The following DNAJA3 variants were observed in gnomAD, a reference collection of about 807,000 sequenced individuals.
DNAJA3 encodes dnaJ homolog subfamily A member 3, mitochondrial.
A neutral mutation model predicts 54.9 loss-of-function variants in DNAJA3; 29 were observed. The ratio of observed to expected loss-of-function variants is 0.53; its 90% CI spans 0.39 to 0.72. DNAJA3 has a LOEUF of 0.72. Ranked by LOEUF, DNAJA3 falls within the 30% of genes least tolerant of loss-of-function variation. DNAJA3 has a pLI of 0.00. For synonymous variants in DNAJA3, 302 were observed against 251.4 expected, an observed-to-expected ratio of 1.20 and a Z score of -1.90; for missense variants, 708 against 639.4, an observed-to-expected ratio of 1.11 and a Z score of -1.16.
intron 1 of DNAJA3, chr16:4,430,791 C>A (rs2056688699): frequency 6.6e-6 from 1 of 151,776 alleles, no homozygotes; most frequent in Non-Finnish European, 1.5e-5. Context: ...TGCCTGTAAC[C>A]CCAGCACTTT....
chr16:4,437,790 A>G (rs1440689007), intron 3 of DNAJA3, among the ~76,000 whole-genome samples: 2 of 151,052 alleles, frequency 1.3e-5, no homozygotes, highest in Admixed American at 6.6e-5. Context: ...TCTCTACAAA[A>G]AAAAAAAAAA....
chr16:4,453,878 C>T (rs1190276267), intron 10 of DNAJA3, among the ~76,000 whole-genome samples: 1 of 152,162 alleles, frequency 6.6e-6, no homozygotes, highest in East Asian at 1.9e-4. Flanking sequence ...ATGCACTGTG[C>T]GTGGCCTAGG....
intron 3 of DNAJA3, among the ~76,000 whole-genome samples, chr16:4,438,258 A>G (rs1192782914): frequency 6.6e-6 from 1 of 151,934 alleles, no homozygotes; most frequent in Non-Finnish European, 1.5e-5. Flanking sequence ...CGGAGCTTGC[A>G]GTGAGCTGAG....
chr16:4,437,287 A>G, intron 2 of DNAJA3, 115 bp from the exon 3 acceptor site: 2 of 896,656 alleles, frequency 2.2e-6, no homozygotes, highest in South Asian at 3.1e-5. Context: ...CAACTTTTAT[A>G]AAGGGAACAT....
intron 3 of DNAJA3, chr16:4,440,745 A>AG (rs1412494987): frequency 1.3e-5 from 2 of 152,276 alleles, no homozygotes; most frequent in African/African-American, 2.4e-5. Flanking sequence ...TCGAAGTGGG[A>AG]GGATCGCTTG....
intron 4 of DNAJA3, 78 bp from the exon 5 acceptor site, chr16:4,442,190 C>T (rs2056843822): frequency 5.5e-6 from 8 of 1,455,072 alleles, no homozygotes; most frequent in Non-Finnish European, 6.5e-6. Flanking sequence ...GGCCAGTACC[C>T]TCCTTTCCCT....
chr16:4,443,153 C>T lies in DNAJA3; in HGVS notation c.920C>T (p.Pro307Leu). ...QAKQKKRVMI[P>L]VPAGVEDGQT... Reference sequence around the variant, plus strand: ...AAGCAGAAAAAGCGAGTGATGATCCCTGTGCCTGCAGGTGGGTGCTTGGGC... The same window carrying T: ...AAGCAGAAAAAGCGAGTGATGATCCTTGTGCCTGCAGGTGGGTGCTTGGGC... Residue 307 changes from proline to leucine, a missense_variant, in exon 6 of 12, where the codon CCT becomes CTT. Pro to Leu is a moderately conservative substitution (Grantham distance 98). Coordinates refer to ENST00000262375, the MANE Select transcript of DNAJA3 (RefSeq NM_005147.6). 1 of 1,613,934 alleles carries T rather than the reference C, an allele frequency of 6.2e-7. No homozygotes were observed. The highest frequency in any genetic ancestry group is 8.5e-7 in the Non-Finnish European group (1 of 1,179,976).
At chr16:4,453,230 T>C (rs2056997076) in intron 10 of DNAJA3, among the ~76,000 whole-genome samples, 1 of 152,012 alleles carries the variant, frequency 6.6e-6, no homozygotes, top group African/African-American at 2.4e-5. Context: ...AGCATAGTTT[T>C]TGATGCGTTT....
chr16:4,448,937 C>A (rs1026225644), intron 9 of DNAJA3, 89 bp downstream of exon 9: 6 of 922,122 alleles, frequency 6.5e-6, no homozygotes, highest in Non-Finnish European at 1.0e-5. Flanking sequence ...GTTACTGCTC[C>A]CTGTAAGTCA....
intron 1 of DNAJA3, among the ~76,000 whole-genome samples, chr16:4,430,021 A>C (rs2056676612): frequency 6.6e-6 from 1 of 151,596 alleles, no homozygotes; most frequent in Non-Finnish European, 1.5e-5. Flanking sequence ...TAAAGTCATC[A>C]ACTGAGAAGC....
chr16:4,453,541 A>G (rs1272770760), intron 10 of DNAJA3, among the ~76,000 whole-genome samples: 1 of 151,894 alleles, frequency 6.6e-6, no homozygotes, highest in Non-Finnish European at 1.5e-5. Flanking sequence ...CTTGGGTTCA[A>G]CCAATTCTGC....
At chr16:4,437,114 G>A (rs978226277) in intron 2 of DNAJA3, among the ~76,000 whole-genome samples, 2 of 152,142 alleles carry the variant, frequency 1.3e-5, no homozygotes, top group Non-Finnish European at 2.9e-5. Context: ...GGGACCACAG[G>A]CATGTGCCAC....
chr16:4,450,189 G>C (rs2056960268), intron 9 of DNAJA3: 4 of 492,488 alleles, frequency 8.1e-6, no homozygotes, highest in Non-Finnish European at 1.4e-5. Context: ...TTGTTTAAAT[G>C]ACTTAGTGTA....
intron 1 of DNAJA3, among the ~76,000 whole-genome samples, chr16:4,429,822 G>A (rs1453692884): frequency 5.3e-5 from 8 of 150,996 alleles, no homozygotes; most frequent in South Asian, 2.1e-4. Context: ...CAACAAGAGC[G>A]AAACTGTGTC....
chr16:4,430,944 TAAAGCAGA>T (rs2056691505), intron 1 of DNAJA3: 1 of 151,862 alleles, frequency 6.6e-6, no homozygotes, highest in Non-Finnish European at 1.5e-5. Flanking sequence ...CTTGAGAGGC[TAAAGCAGA>T]AGAATCGCTC....
intron 7 of DNAJA3, 42 bp from the exon 8 acceptor site, chr16:4,446,844 A>G: frequency 6.2e-7 from 1 of 1,610,030 alleles, no homozygotes; most frequent in Non-Finnish European, 8.5e-7. Flanking sequence ...TTTAGTCTGC[A>G]GTGGACTTAT....
chr16:4,432,920 T>C (rs2056724565), intron 1 of DNAJA3, among the ~76,000 whole-genome samples: 1 of 151,864 alleles, frequency 6.6e-6, no homozygotes, highest in African/African-American at 2.4e-5. Context: ...GGCAGGCGGA[T>C]CATGAGGTCA....
At chr16:4,455,021 C>T in intron 11 of DNAJA3, 94 bp downstream of exon 11, 1 of 869,646 alleles carries the variant, frequency 1.1e-6, no homozygotes, top group Non-Finnish European at 1.8e-6. Flanking sequence ...GCCCCCACCC[C>T]CAGGAGTTGG....
chr16:4,452,255 T>G (rs1159220673), intron 10 of DNAJA3, among the ~76,000 whole-genome samples: 1 of 152,160 alleles, frequency 6.6e-6, no homozygotes, highest in East Asian at 1.9e-4. Context: ...CTCTAATCAG[T>G]GCACCTGTGG....
Sources: gnomAD v4.1 joint callset for allele counts (sites outside exome capture counted in the v4.1 genomes callset) on GRCh38, gnomAD v4.1.1 for gene constraint, MANE v1.5 for transcripts, NCBI Gene and HGNC (gene_info 2026-07-23, HGNC 2026-07-21) for gene names.